Variants in PKHD1L1 observed in about 807,000 individuals in gnomAD.
PKHD1L1 encodes the protein fibrocystin-L.
PKHD1L1 carries 434 observed loss-of-function variants against 462.9 expected under a neutral mutation model. The observed-to-expected ratio is 0.94, with a 90% CI of 0.87 to 1.02. The LOEUF is 1.02. Among genes scored for constraint, PKHD1L1 ranks in the 50% least tolerant of loss-of-function variants. The pLI is 0.00. For synonymous variants in PKHD1L1, 1,781 were observed against 1,750.0 expected, an observed-to-expected ratio of 1.02 and a Z score of -0.44; for missense variants, 5,202 against 5,096.1, an observed-to-expected ratio of 1.02 and a Z score of -0.63.
chr8:109,506,441 A>T (rs2130972630), intron 68 of PKHD1L1, among the ~76,000 whole-genome samples: 1 of 152,322 alleles, frequency 6.6e-6, no homozygotes, highest in East Asian at 1.9e-4. Flanking sequence ...AGAGGTTTTC[A>T]TGGGATCAGA....
rs375745808 is a variant in PKHD1L1, at chr8:109,481,567, G to T, written c.9457+5G>T. On this transcript the variant is annotated splice_donor_5th_base_variant and intron_variant, in intron 56 of 77. Transcript: ENST00000378402. ...ATCAAGGGGCAAAGGTCTTAGGTGT[G>T]TGTCTACAGATACCAAAAGTGTCAC... is the stretch of plus-strand genomic sequence containing the variant. The T allele has an allele frequency of 1.3e-6, 2 of 1,563,422 alleles. No individual in the cohort carries two copies. Among genetic ancestry groups the T allele is most frequent in the African/African-American group, 2.7e-5 (2 of 72,870 alleles).
At chr8:109,418,599 T>C (rs1159426187) in intron 21 of PKHD1L1, among the ~76,000 whole-genome samples, 1 of 152,208 alleles carries the variant, frequency 6.6e-6, no homozygotes, top group African/African-American at 2.4e-5. Flanking sequence ...CAACCATTTA[T>C]ATCTACAAAT....
In PKHD1L1 at chr8:109,425,217, G is replaced by A. The variant is rs1271811459; in HGVS notation, c.2830G>A (p.Gly944Arg). The change falls in exon 24 of 78, where the codon GGA becomes AGA. Residue 944 changes from glycine (G) to arginine (R), a missense_variant. Physicochemically the swap from Gly to Arg is moderately radical, Grantham distance 125. Around this residue, in one of 3 missense-constraint regions of PKHD1L1, gnomAD observed 4,497 missense variants for 4,336.8 expected, o/e 1.04. Coordinates refer to ENST00000378402, the MANE Select transcript of PKHD1L1 (RefSeq NM_177531.6). Reference protein sequence around the residue: ...LSGSFDIQAYGHILKGLPAAV... With the variant: ...LSGSFDIQAYRHILKGLPAAV... ...TGGCAGCTTTGACATTCAAGCTTAT[G>A]GACATATTCTTAAAGGTATATGAAA... 85 of 1,597,954 alleles carry A rather than the reference G, an allele frequency of 5.3e-5. No individual in the cohort carries two copies. Among genetic ancestry groups the A allele is most frequent in the Non-Finnish European group, 7.2e-5 (84 of 1,174,684 alleles).
In PKHD1L1 at chr8:109,531,250, A is replaced by G. The variant is rs1821033861; in HGVS notation, c.*1160A>G. The stretch of plus-strand genomic sequence containing the variant: ...GAAAATGTATAAACACTTACCAGGT[A>G]GTAAAATCAAATATCTTGGTATAAA... On this transcript the variant is annotated 3_prime_UTR_variant, in exon 78 of 78. Transcript: ENST00000378402. 1.3e-5 allele frequency among the ~76,000 whole-genome samples: 2 copies of G among 152,222 alleles called. No homozygotes were observed. Among genetic ancestry groups the G allele is most frequent in the African/African-American group, 4.8e-5 (2 of 41,452 alleles).
intron 2 of PKHD1L1, among the ~76,000 whole-genome samples, chr8:109,375,389 G>A (rs548030801): frequency 4.3e-4 from 65 of 152,110 alleles, no homozygotes; most frequent in African/African-American, 1.3e-3. Flanking sequence ...GGTTATTCTA[G>A]TTAGCCATTC....
At chr8:109,430,617 C>G (rs1815044788) in intron 27 of PKHD1L1, among the ~76,000 whole-genome samples, 2 of 151,808 alleles carry the variant, frequency 1.3e-5, no homozygotes, top group South Asian at 4.2e-4. Flanking sequence ...CAACTAAGGA[C>G]TGAAATAAAA....
At chr8:109,512,864 T>G (rs1234407875) in intron 71 of PKHD1L1, among the ~76,000 whole-genome samples, 1 of 150,836 alleles carries the variant, frequency 6.6e-6, no homozygotes, top group Admixed American at 6.6e-5. Context: ...TATCCTCTTT[T>G]ATTTCCTTGA....
rs1051908252 is a variant in PKHD1L1, at chr8:109,534,995, A to G, written c.*4905A>G. Among the ~76,000 whole-genome samples, 2 of 152,132 alleles carry G rather than the reference A, an allele frequency of 1.3e-5. No individual in the cohort carries two copies. Among genetic ancestry groups the G allele is most frequent in the Non-Finnish European group, 1.5e-5 (1 of 68,022 alleles). ...TCTGCCCATGGTAAGTGTTAAATAA[A>G]CTTTCTGATAAACCAATGATTGGGT... On this transcript the variant is annotated 3_prime_UTR_variant, in exon 78 of 78. Coordinates refer to ENST00000378402, the MANE Select transcript of PKHD1L1 (RefSeq NM_177531.6).
At chr8:109,477,137 A>G in intron 52 of PKHD1L1, 88 bp from the exon 53 acceptor site, 1 of 1,311,626 alleles carries the variant, frequency 7.6e-7, no homozygotes, top group South Asian at 1.3e-5. Flanking sequence ...TACTACCTAA[A>G]GAACATTTTC....
chr8:109,494,548 G>A (rs988135471), intron 63 of PKHD1L1, among the ~76,000 whole-genome samples: 7 of 152,022 alleles, frequency 4.6e-5, no homozygotes, highest in East Asian at 1.9e-4. Context: ...TAGACTACTC[G>A]AAGAAAGAAA....
intron 28 of PKHD1L1, 51 bp from the exon 29 acceptor site, chr8:109,435,139 A>C: frequency 3.8e-6 from 6 of 1,597,808 alleles, no homozygotes; most frequent in Non-Finnish European, 5.1e-6. Context: ...CTTTTATCTC[A>C]TAAAACCATT....
chr8:109,401,322 A>T (rs1346955046), intron 13 of PKHD1L1, among the ~76,000 whole-genome samples, 175 bp from the exon 14 acceptor site: 1 of 76,208 alleles, frequency 1.3e-5, no homozygotes, highest in Non-Finnish European at 3.2e-5. Context: ...TGATAATTTA[A>T]AAAAAATTTA....
chr8:109,362,533 G>A lies in PKHD1L1; in HGVS notation c.-48G>A. ...TCCCAGGAGCCGAGCTCCAGCACTA[G>A]AGCCAGCTGCGAGCGGAGGGCACCA... On this transcript the variant is annotated 5_prime_UTR_variant, in exon 1 of 78. Coordinates refer to ENST00000378402, the MANE Select transcript of PKHD1L1 (RefSeq NM_177531.6). The A allele has an allele frequency of 6.5e-7, 1 of 1,526,910 alleles. No individual in the cohort carries two copies. The highest frequency in any genetic ancestry group is 1.2e-5 in the South Asian group (1 of 83,916). 94.6% of individuals were successfully genotyped at this position (1,526,910 alleles called of 1,614,324 possible).
chr8:109,402,349 T>C (rs1009508850), intron 14 of PKHD1L1, among the ~76,000 whole-genome samples: 6 of 152,172 alleles, frequency 3.9e-5, no homozygotes, highest in Admixed American at 2.6e-4. Context: ...GGCTGAGCGG[T>C]TCTTTTAGTC....
intron 76 of PKHD1L1, among the ~76,000 whole-genome samples, chr8:109,526,120 A>C (rs1783173): frequency 6.6e-6 from 1 of 152,038 alleles, no homozygotes; most frequent in African/African-American, 2.4e-5. Context: ...TAACCTGGAG[A>C]TTAAATAATA....
intron 13 of PKHD1L1, among the ~76,000 whole-genome samples, chr8:109,400,964 GT>G (rs35712245): frequency 0.3 from 45,151 of 151,882 alleles, 7,292 homozygotes; most frequent in Admixed American, 0.43. Context: ...GGTTGTGTAA[GT>G]TTAAATTGCT....
chr8:109,442,164 A>G lies in PKHD1L1; in HGVS notation c.4362A>G (p.Gly1454=). 3 of 1,612,808 alleles carry G rather than the reference A, an allele frequency of 1.9e-6. No homozygotes were observed. The highest frequency in any genetic ancestry group is 1.7e-6 in the Non-Finnish European group (2 of 1,179,388). Residue 1454 remains glycine (G), a synonymous_variant, in exon 35 of 78, where the codon GGA becomes GGG. Transcript: ENST00000378402. ...GAAGTGTAATTTATGATGGCAAAGG[A>G]TTCACAAGTGGAAGACAAAAATCTA... ...SPGSVIYDGK[G]FTSGRQKSTS...
chr8:109,465,374 T>A, intron 49 of PKHD1L1, 129 bp downstream of exon 49: 1 of 993,734 alleles, frequency 1.0e-6, no homozygotes, highest in Non-Finnish European at 1.5e-6. Context: ...ACTAATAATT[T>A]AAATGATAGA....
chr8:109,446,840 A>G lies in PKHD1L1; in HGVS notation c.5776+1195A>G, dbSNP rs78987536. On this transcript the variant is annotated intron_variant, in intron 38 of 77. Transcript: ENST00000378402. ...TTGCTGAAGAGACAGGTGACAGAGCACACTGAGAACAACGCTGTTCCATTT... is the reference window on the plus strand; with the variant it reads ...TTGCTGAAGAGACAGGTGACAGAGCGCACTGAGAACAACGCTGTTCCATTT... 8.7e-3 allele frequency among the ~76,000 whole-genome samples: 1,332 copies of G among 152,322 alleles called. 16 individuals are homozygous for G. The highest frequency in any genetic ancestry group is 0.03 in the African/African-American group (1,251 of 41,560).
Sources: allele counts gnomAD v4.1 joint callset (sites outside exome capture counted in the v4.1 genomes callset), GRCh38; gene constraint gnomAD v4.1.1; regional missense constraint gnomAD v4.1.1; transcripts MANE v1.5; gene names NCBI Gene and HGNC (gene_info 2026-07-23, HGNC 2026-07-21).